The following NSMCE2 variants were observed in gnomAD, a reference collection of about 807,000 sequenced individuals.
NSMCE2 encodes NSE2 SUMO ligase component of SMC5/6 complex, also known as E3 SUMO-protein ligase NSE2.
A neutral mutation model predicts 23.8 loss-of-function variants in NSMCE2; 24 were observed. That is an observed-to-expected ratio of 1.01 (90% CI 0.73 to 1.42). The LOEUF is 1.42. Ranked by LOEUF, NSMCE2 falls within the 40% of genes most tolerant of loss-of-function variation. NSMCE2 has a pLI of 0.00. For missense variants in NSMCE2, 284 were observed against 296.5 expected (o/e 0.96, Z 0.31); for synonymous variants, 92 against 94.1 (o/e 0.98, Z 0.13).
intron 7 of NSMCE2, among the ~76,000 whole-genome samples, chr8:125,363,542 A>C (rs113526488): frequency 9.7e-6 from 1 of 103,008 alleles, no homozygotes; most frequent in Non-Finnish European, 2.0e-5. Flanking sequence ...GAAAGAAAGA[A>C]AGAGAGAGAG....
intron 5 of NSMCE2, 158 bp downstream of exon 5, chr8:125,182,414 C>A: frequency 1.4e-6 from 1 of 695,534 alleles, no homozygotes; most frequent in South Asian, 1.8e-5. Context: ...TGTATTTTGT[C>A]TAATTTTTGG....
chr8:125,335,545 G>T (rs753964567), intron 5 of NSMCE2, among the ~76,000 whole-genome samples: 3 of 152,174 alleles, frequency 2.0e-5, no homozygotes, highest in Non-Finnish European at 4.4e-5. Context: ...CAGCCAGGAG[G>T]TAACTAAAAA....
chr8:125,102,411 G>A lies in NSMCE2; in HGVS notation c.81G>A (p.Leu27=), dbSNP rs768654679. 1.5e-5 allele frequency: 24 copies of A among 1,613,734 alleles called. No individual in the cohort carries two copies. In the East Asian group the frequency reaches 5.3e-4, roughly 36 times the overall value. ...GTGTAGAGTCTGCTCTCTCCTCCTT[G>A]AAAAACTTCCAAGCCTGTATCAACT... is the stretch of plus-strand genomic sequence containing the variant. ...FSGVESALSS[L]KNFQACINSG... Residue 27 remains leucine (L), a synonymous_variant, in exon 3 of 8, where the codon TTG becomes TTA. Transcript: ENST00000287437.
At chr8:125,184,145 T>C (rs527689177) in intron 5 of NSMCE2, among the ~76,000 whole-genome samples, 1 of 152,300 alleles carries the variant, frequency 6.6e-6, no homozygotes, top group East Asian at 1.9e-4. Flanking sequence ...TCACAATTCC[T>C]GAGTTTTAAG....
At chr8:125,154,440 C>G (rs558606997) in intron 4 of NSMCE2, among the ~76,000 whole-genome samples, 187 of 148,138 alleles carry the variant, frequency 1.3e-3, no homozygotes, top group African/African-American at 4.4e-3. Flanking sequence ...CTCAAGAAAA[C>G]AGGGCTACTA....
At chr8:125,210,693 C>T (rs1295423448) in intron 5 of NSMCE2, among the ~76,000 whole-genome samples, 1 of 151,926 alleles carries the variant, frequency 6.6e-6, no homozygotes, top group Non-Finnish European at 1.5e-5. Context: ...CTAGCCATCT[C>T]TTCCCCAGGT....
chr8:125,215,588 C>G (rs1375748413), intron 5 of NSMCE2, among the ~76,000 whole-genome samples: 2 of 152,146 alleles, frequency 1.3e-5, no homozygotes, highest in South Asian at 2.1e-4. Context: ...AATGGTATTT[C>G]TAGTTCTAGA....
At chr8:125,149,130 A>G (rs1376439388) in intron 3 of NSMCE2, among the ~76,000 whole-genome samples, 1 of 152,170 alleles carries the variant, frequency 6.6e-6, no homozygotes, top group Admixed American at 6.5e-5. Context: ...TGTTAAACAT[A>G]TATTTAATTT....
chr8:125,123,444 T>G (rs1294679089), intron 3 of NSMCE2, among the ~76,000 whole-genome samples: 1 of 152,266 alleles, frequency 6.6e-6, no homozygotes, highest in African/African-American at 2.4e-5. Flanking sequence ...TATTTTTCTC[T>G]CTTAACAATC....
chr8:125,113,349 G>A (rs187051297), intron 3 of NSMCE2, among the ~76,000 whole-genome samples: 138 of 152,228 alleles, frequency 9.1e-4, no homozygotes, highest in African/African-American at 3.3e-3. Context: ...TGAGTCAGGT[G>A]TGGTGGCATG....
At chr8:125,354,832 C>T (rs1392780304) in intron 5 of NSMCE2, among the ~76,000 whole-genome samples, 2 of 152,154 alleles carry the variant, frequency 1.3e-5, no homozygotes, top group Non-Finnish European at 2.9e-5. Context: ...CCCCTCAGTA[C>T]AGCTTGAGCA....
intron 3 of NSMCE2, among the ~76,000 whole-genome samples, chr8:125,120,689 T>C (rs1246130008): frequency 1.3e-5 from 2 of 152,210 alleles, no homozygotes; most frequent in African/African-American, 4.8e-5. Context: ...GCTAATTTGC[T>C]TGTCCCTGGG....
intron 3 of NSMCE2, among the ~76,000 whole-genome samples, chr8:125,113,029 T>G (rs1311174523): frequency 1.5e-5 from 2 of 136,832 alleles, no homozygotes; most frequent in Non-Finnish European, 3.1e-5. Context: ...AAAAATAAAT[T>G]TAAAAGTGAA....
intron 3 of NSMCE2, among the ~76,000 whole-genome samples, chr8:125,102,785 G>C (rs1305917046): frequency 6.6e-6 from 1 of 152,170 alleles, no homozygotes; most frequent in Non-Finnish European, 1.5e-5. Flanking sequence ...TTTGTGAACT[G>C]TAAGGTATAT....
At chr8:125,200,552 C>G (rs529033862) in intron 5 of NSMCE2, among the ~76,000 whole-genome samples, 19 of 151,526 alleles carry the variant, frequency 1.3e-4, no homozygotes, top group African/African-American at 4.6e-4. Flanking sequence ...CGCTGTTAGT[C>G]TGATGGGCTT....
chr8:125,274,378 GT>G (rs1193618516), intron 5 of NSMCE2, among the ~76,000 whole-genome samples: 19 of 152,136 alleles, frequency 1.2e-4, no homozygotes, highest in African/African-American at 4.6e-4. Flanking sequence ...TGTCACCTCA[GT>G]GATTTTTTTT....
At chr8:125,259,501 C>T (rs1423151765) in intron 5 of NSMCE2, among the ~76,000 whole-genome samples, 1 of 152,128 alleles carries the variant, frequency 6.6e-6, no homozygotes, top group East Asian at 1.9e-4. Flanking sequence ...CAGAAACCAT[C>T]GTCGTGTCCT....
chr8:125,331,477 A>T (rs1418655622), intron 5 of NSMCE2, among the ~76,000 whole-genome samples: 1 of 152,224 alleles, frequency 6.6e-6, no homozygotes, highest in Non-Finnish European at 1.5e-5. Context: ...AGCACTGTGT[A>T]AATGTCAAGT....
At chr8:125,181,522 A>G (rs1348878990) in intron 4 of NSMCE2, among the ~76,000 whole-genome samples, 1 of 152,114 alleles carries the variant, frequency 6.6e-6, no homozygotes, top group Non-Finnish European at 1.5e-5. Flanking sequence ...AATTTATAAT[A>G]TTGGGAAATA....
Sources: allele counts gnomAD v4.1 joint callset (sites outside exome capture counted in the v4.1 genomes callset), GRCh38; gene constraint gnomAD v4.1.1; transcripts MANE v1.5; gene names NCBI Gene and HGNC (gene_info 2026-07-23, HGNC 2026-07-21).